The following NXPH1 variants were observed in gnomAD, a reference collection of about 807,000 sequenced individuals.
NXPH1 encodes neurexophilin 1, also known as neurexophilin-1.
NXPH1 carries 5 observed loss-of-function variants against 23.7 expected under a neutral mutation model. The observed-to-expected ratio is 0.21, with a 90% CI of 0.11 to 0.44. The LOEUF (loss-of-function observed/expected upper bound fraction) is 0.44, where lower values mean the gene tolerates loss of function less well. Ranked by LOEUF, NXPH1 falls within the 20% of genes least tolerant of loss-of-function variation. The pLI is 0.99. For synonymous variants in NXPH1, 144 were observed against 122.2 expected, an observed-to-expected ratio of 1.18 and a Z score of -1.18; for missense variants, 324 against 321.6, an observed-to-expected ratio of 1.01 and a Z score of -0.06.
chr7:8,500,785 A>G (rs948840226), intron 2 of NXPH1, among the ~76,000 whole-genome samples: 2 of 151,980 alleles, frequency 1.3e-5, no homozygotes, highest in African/African-American at 4.8e-5. Flanking sequence ...TACTTTCTTA[A>G]CCTCATTTTT....
At chr7:8,507,080 A>G (rs1212262878) in intron 2 of NXPH1, among the ~76,000 whole-genome samples, 2 of 150,822 alleles carry the variant, frequency 1.3e-5, no homozygotes, top group Non-Finnish European at 2.9e-5. Flanking sequence ...AGTTCAGGTG[A>G]GAGACAATGG....
intron 2 of NXPH1, among the ~76,000 whole-genome samples, chr7:8,746,012 C>T (rs796548678): frequency 3.9e-5 from 6 of 152,282 alleles, no homozygotes; most frequent in Non-Finnish European, 8.8e-5. Context: ...TGGAATGTTA[C>T]ACATAGTGCT....
intron 2 of NXPH1, among the ~76,000 whole-genome samples, chr7:8,510,326 C>T (rs1289463575): frequency 1.3e-5 from 2 of 152,080 alleles, no homozygotes; most frequent in African/African-American, 4.8e-5. Flanking sequence ...AAGTGAAATA[C>T]TTTCACAAAC....
intron 2 of NXPH1, among the ~76,000 whole-genome samples, chr7:8,664,766 T>C (rs1820734165): frequency 6.6e-6 from 1 of 152,152 alleles, no homozygotes; most frequent in African/African-American, 2.4e-5. Flanking sequence ...TAATTTGCAT[T>C]GCTCTGATGA....
At chr7:8,441,833 T>C (rs17331972) in intron 2 of NXPH1, among the ~76,000 whole-genome samples, 1,864 of 151,994 alleles carry the variant, frequency 0.012, 15 homozygotes, top group Middle Eastern at 0.021. Flanking sequence ...ATGAGCGCGC[T>C]GCGTTTCTGC....
At chr7:8,660,683 G>A (rs760685706) in intron 2 of NXPH1, among the ~76,000 whole-genome samples, 5 of 152,060 alleles carry the variant, frequency 3.3e-5, no homozygotes, top group South Asian at 2.1e-4. Context: ...CTTCTTTGGC[G>A]CAATAATAAT....
At chr7:8,717,147 G>A (rs1188286972) in intron 2 of NXPH1, among the ~76,000 whole-genome samples, 1 of 152,102 alleles carries the variant, frequency 6.6e-6, no homozygotes, top group Non-Finnish European at 1.5e-5. Flanking sequence ...TCCCTTAGTA[G>A]GTTTGCTAAG....
intron 2 of NXPH1, among the ~76,000 whole-genome samples, chr7:8,630,321 C>T (rs1479361207): frequency 2.0e-5 from 3 of 152,124 alleles, no homozygotes; most frequent in African/African-American, 7.2e-5. Context: ...TAAAACTGTA[C>T]AGTGTTTTAT....
intron 2 of NXPH1, among the ~76,000 whole-genome samples, chr7:8,614,882 A>G (rs899133571): frequency 1.3e-5 from 2 of 152,170 alleles, no homozygotes; most frequent in Admixed American, 6.6e-5. Flanking sequence ...GAATTATTCT[A>G]TGCCTCAAAG....
At chr7:8,450,434 C>G (rs1256899830) in intron 2 of NXPH1, among the ~76,000 whole-genome samples, 2 of 152,250 alleles carry the variant, frequency 1.3e-5, no homozygotes, top group South Asian at 2.1e-4. Context: ...TAACTTAGCA[C>G]AGGTCTTTCA....
chr7:8,466,368 C>G (rs946765232), intron 2 of NXPH1, among the ~76,000 whole-genome samples: 1 of 152,128 alleles, frequency 6.6e-6, no homozygotes, highest in Admixed American at 6.5e-5. Flanking sequence ...GAACGATGAG[C>G]TCTTTTTATT....
intron 2 of NXPH1, among the ~76,000 whole-genome samples, chr7:8,452,050 C>G (rs1816515646): frequency 6.6e-6 from 1 of 152,154 alleles, no homozygotes. Flanking sequence ...AGAAAACTGA[C>G]TGATTAGCCA....
chr7:8,670,088 C>T (rs1279851783), intron 2 of NXPH1, among the ~76,000 whole-genome samples: 4 of 152,180 alleles, frequency 2.6e-5, no homozygotes, highest in Non-Finnish European at 5.9e-5. Flanking sequence ...TCAGTAACCC[C>T]TAATGACGTA....
At chr7:8,660,158 T>C (rs191704512) in intron 2 of NXPH1, among the ~76,000 whole-genome samples, 109 of 152,316 alleles carry the variant, frequency 7.2e-4, no homozygotes, top group African/African-American at 2.5e-3. Flanking sequence ...TGTGAAAATA[T>C]TTTATATAAA....
intron 2 of NXPH1, among the ~76,000 whole-genome samples, chr7:8,625,711 A>T (rs1819973018): frequency 6.6e-6 from 1 of 152,158 alleles, no homozygotes; most frequent in South Asian, 2.1e-4. Context: ...TTTCTTAACA[A>T]AGCTTTCAGA....
At chr7:8,633,896 A>C (rs1364033453) in intron 2 of NXPH1, among the ~76,000 whole-genome samples, 2 of 152,178 alleles carry the variant, frequency 1.3e-5, no homozygotes, top group African/African-American at 4.8e-5. Flanking sequence ...TATTTGCTTA[A>C]GAATTTGAAG....
intron 2 of NXPH1, among the ~76,000 whole-genome samples, chr7:8,658,086 G>C (rs762042802): frequency 3.3e-5 from 5 of 152,188 alleles, no homozygotes; most frequent in African/African-American, 4.8e-5. Context: ...GACAAATTCA[G>C]TGAAATGCAA....
intron 2 of NXPH1, among the ~76,000 whole-genome samples, chr7:8,574,337 C>T (rs556308521): frequency 1.2e-3 from 177 of 152,182 alleles, no homozygotes; most frequent in African/African-American, 4.0e-3. Context: ...TTGTCTCCAG[C>T]TCCTGGGCTC....
chr7:8,688,612 G>C (rs1821182671), intron 2 of NXPH1, among the ~76,000 whole-genome samples: 1 of 152,180 alleles, frequency 6.6e-6, no homozygotes, highest in Non-Finnish European at 1.5e-5. Flanking sequence ...TGATGTTTTA[G>C]CTTAGTGTGT....
Sources: gnomAD v4.1 joint callset for allele counts (sites outside exome capture counted in the v4.1 genomes callset) on GRCh38, gnomAD v4.1.1 for gene constraint, MANE v1.5 for transcripts, NCBI Gene and HGNC (gene_info 2026-07-23, HGNC 2026-07-21) for gene names.